Variants in CNTLN observed in about 807,000 individuals in gnomAD.
The protein encoded by CNTLN is centlein, also known as centlein, centrosomal protein.
In CNTLN, 212 loss-of-function variants were observed where a neutral mutation model predicts 180.0. The observed-to-expected ratio is 1.18, with a 90% CI of 1.05 to 1.32. CNTLN has a LOEUF of 1.32. CNTLN is among the 40% of genes most tolerant of loss of function. The pLI is 0.00. For synonymous variants in CNTLN, 722 were observed against 563.1 expected, an observed-to-expected ratio of 1.28 and a Z score of -3.99; for missense variants, 2,095 against 1,610.9, an observed-to-expected ratio of 1.30 and a Z score of -5.14.
rs75523107 is a variant in CNTLN at position 17,407,170 on chromosome 9, T to C, written c.2616-2123T>C. 6.4e-3 allele frequency among the ~76,000 whole-genome samples: 974 copies of C among 152,240 alleles called. 13 individuals carry two copies. The highest frequency in any genetic ancestry group is 0.022 in the African/African-American group (921 of 41,548). On this transcript the variant is annotated intron_variant, in intron 15 of 25. Transcript: ENST00000380647. ...ATTTTGAAGGAGAACCCAAATGATATGAGAATATGGGAAACAGAAAAGTGT... is the reference window on the plus strand; with the variant it reads ...ATTTTGAAGGAGAACCCAAATGATACGAGAATATGGGAAACAGAAAAGTGT...
chr9:17,465,247 T>G (rs1337061643), intron 21 of CNTLN, among the ~76,000 whole-genome samples: 8 of 150,670 alleles, frequency 5.3e-5, no homozygotes, highest in Non-Finnish European at 1.2e-4. Context: ...AAATGAAAAT[T>G]TAAGTATCTC....
At chr9:17,401,074 C>T (rs1198304061) in intron 15 of CNTLN, among the ~76,000 whole-genome samples, 1 of 152,100 alleles carries the variant, frequency 6.6e-6, no homozygotes, top group South Asian at 2.1e-4. Context: ...GGTCAAAAAT[C>T]GGTTTGTCTG....
chr9:17,353,065 G>C (rs549407104), intron 12 of CNTLN, among the ~76,000 whole-genome samples: 43 of 152,188 alleles, frequency 2.8e-4, no homozygotes, highest in African/African-American at 1.0e-3. Flanking sequence ...CAGTTCTTTT[G>C]GGTATAAACC....
chr9:17,446,872 T>C (rs1301537554), intron 18 of CNTLN, among the ~76,000 whole-genome samples: 2 of 152,200 alleles, frequency 1.3e-5, no homozygotes, highest in African/African-American at 4.8e-5. Flanking sequence ...AAATCTGATT[T>C]CTAGGAAAAC....
intron 13 of CNTLN, among the ~76,000 whole-genome samples, chr9:17,378,940 G>A (rs1295207925): frequency 2.0e-5 from 3 of 152,064 alleles, no homozygotes; most frequent in Non-Finnish European, 2.9e-5. Flanking sequence ...ATTTCTTAGA[G>A]TGCACATCTG....
At chr9:17,418,623 A>G (rs1167640384) in intron 18 of CNTLN, among the ~76,000 whole-genome samples, 1 of 151,684 alleles carries the variant, frequency 6.6e-6, no homozygotes, top group African/African-American at 2.4e-5. Context: ...GAATTCCTAT[A>G]TGCTCGGTAA....
intron 19 of CNTLN, among the ~76,000 whole-genome samples, chr9:17,460,586 A>C (rs952333957): frequency 6.6e-6 from 1 of 151,722 alleles, no homozygotes; most frequent in African/African-American, 2.4e-5. Context: ...CATCTGATAA[A>C]AATTTTTGAG....
intron 13 of CNTLN, among the ~76,000 whole-genome samples, chr9:17,369,093 G>A (rs115375029): frequency 0.017 from 2,615 of 152,236 alleles, 88 homozygotes; most frequent in African/African-American, 0.06. Flanking sequence ...TGTCAAAAGA[G>A]AGACCAGGTG....
chr9:17,312,343 TTATATATATATATATATATATTATATATA>T (rs1331537080), intron 8 of CNTLN, among the ~76,000 whole-genome samples: 3 of 30,378 alleles, frequency 9.9e-5, no homozygotes, highest in East Asian at 1.3e-3. Context: ...ATTACTGTAT[TTATATATATATATATATATATTATATATA>T]TATATATATA....
chr9:17,313,923 A>G (rs1214848968), intron 8 of CNTLN, among the ~76,000 whole-genome samples: 2 of 151,996 alleles, frequency 1.3e-5, no homozygotes, highest in Non-Finnish European at 2.9e-5. Flanking sequence ...CAGCCTTCCA[A>G]GTGGCATTCA....
the CNTLN span, among the ~76,000 whole-genome samples, chr9:17,527,296 A>C: frequency 6.6e-6 from 1 of 152,202 alleles, no homozygotes; most frequent in East Asian, 1.9e-4. Context: ...CCCATTGTTC[A>C]TACCCTGCAC....
chr9:17,335,642 C>T (rs1278183178), intron 10 of CNTLN, among the ~76,000 whole-genome samples: 2 of 151,900 alleles, frequency 1.3e-5, no homozygotes, highest in African/African-American at 2.4e-5. Context: ...CTTGTTCGTA[C>T]ACAGAAAGAG....
At chr9:17,314,106 TCA>T (rs1277781831) in intron 8 of CNTLN, among the ~76,000 whole-genome samples, 1 of 152,250 alleles carries the variant, frequency 6.6e-6, no homozygotes, top group African/African-American at 2.4e-5. Context: ...TACTTTATAT[TCA>T]GTTTAACTGA....
chr9:17,193,514 A>G (rs1442499463), intron 2 of CNTLN, among the ~76,000 whole-genome samples: 2 of 152,144 alleles, frequency 1.3e-5, no homozygotes, highest in Non-Finnish European at 2.9e-5. Context: ...AACCTCCAAA[A>G]TTATGTCCTT....
intron 18 of CNTLN, chr9:17,448,157 A>C (rs544062949): frequency 9.6e-6 from 2 of 208,928 alleles, no homozygotes; most frequent in African/African-American, 4.7e-5. Flanking sequence ...CTGCCCATTA[A>C]TTTCCTTAAT....
intron 2 of CNTLN, among the ~76,000 whole-genome samples, chr9:17,207,940 T>C (rs1362270546): frequency 1.3e-5 from 2 of 152,194 alleles, no homozygotes; most frequent in African/African-American, 4.8e-5. Context: ...TCCTTTCCAC[T>C]TTGGATGCTC....
intron 12 of CNTLN, among the ~76,000 whole-genome samples, chr9:17,356,076 A>AAG (rs1554698176): frequency 0.012 from 1,680 of 140,096 alleles, 50 homozygotes; most frequent in Admixed American, 0.04. Flanking sequence ...AAAAAAAAAA[A>AAG]AAAAAGAAAA....
intron 2 of CNTLN, among the ~76,000 whole-genome samples, chr9:17,145,673 AT>A (rs1187839748): frequency 6.6e-6 from 1 of 152,006 alleles, no homozygotes. Flanking sequence ...TCTTTGGCTT[AT>A]GGTATGGATT....
chr9:17,177,818 A>G (rs1820822834), intron 2 of CNTLN, among the ~76,000 whole-genome samples: 1 of 152,160 alleles, frequency 6.6e-6, no homozygotes, highest in African/African-American at 2.4e-5. Flanking sequence ...GCAAAGAGCG[A>G]AAGAACAAAG....
Sources: gnomAD v4.1 joint callset for allele counts (sites outside exome capture counted in the v4.1 genomes callset) on GRCh38, gnomAD v4.1.1 for gene constraint, MANE v1.5 for transcripts, NCBI Gene and HGNC (gene_info 2026-07-23, HGNC 2026-07-21) for gene names.